IL1RAPL1: variants seen among roughly 807,000 people sequenced by gnomAD.
The protein encoded by IL1RAPL1 is interleukin-1 receptor accessory protein-like 1.
In IL1RAPL1, 3 loss-of-function variants were observed where a neutral mutation model predicts 48.4. The observed-to-expected ratio is 0.06, with a 90% CI of 0.03 to 0.16. IL1RAPL1 has a LOEUF of 0.16. IL1RAPL1 is among the 10% of genes least tolerant of loss of function. The pLI is 1.00. For synonymous variants in IL1RAPL1, 185 were observed against 187.7 expected (o/e 0.99, Z 0.12); for missense variants, 349 against 530.6 (o/e 0.66, Z 3.36).
At chrX:29,732,602 C>G (rs1359097084) in intron 6 of IL1RAPL1, among the ~76,000 whole-genome samples, 4 of 112,312 alleles carry the variant, frequency 3.6e-5, no homozygotes, top group Non-Finnish European at 7.5e-5. Context: ...CATCCTTGCT[C>G]TTACCTGGTA....
At chrX:29,463,206 A>T (rs1379346586) in intron 5 of IL1RAPL1, among the ~76,000 whole-genome samples, 1 of 102,486 alleles carries the variant, frequency 9.8e-6, no homozygotes, top group South Asian at 4.3e-4. Flanking sequence ...AAAAAAAAAA[A>T]ACCCACATTA....
At chrX:29,101,908 G>A in intron 2 of IL1RAPL1, among the ~76,000 whole-genome samples, 1 of 111,685 alleles carries the variant, frequency 9.0e-6, no homozygotes, top group Non-Finnish European at 1.9e-5. Context: ...TTGCACTCCA[G>A]CCTGGGCAAC....
chrX:29,079,095 G>C (rs1278542012), intron 2 of IL1RAPL1, among the ~76,000 whole-genome samples: 1 of 111,914 alleles, frequency 8.9e-6, no homozygotes, highest in Non-Finnish European at 1.9e-5. Flanking sequence ...GATTATTATT[G>C]ATAAATAATC....
chrX:29,076,778 A>ATCTATCTG lies in IL1RAPL1; in HGVS notation c.83-206157_83-206156insATCTGTCT, dbSNP rs1369370665. Reference sequence around the variant, plus strand: ...CTCATGAAATAAGACAGATCTATCTATCTGTCTGTCTGTCTGTCTGTCTGT... The same window carrying ATCTATCTG: ...CTCATGAAATAAGACAGATCTATCTATCTATCTGTCTGTCTGTCTGTCTGTCTGTCTGT... On this transcript the variant is annotated intron_variant, in intron 2 of 10. Transcript: ENST00000378993. 9.4e-5 allele frequency among the ~76,000 whole-genome samples: 9 copies of ATCTATCTG among 95,426 alleles called. No homozygotes were observed. In the South Asian group the frequency reaches 2.2e-3, roughly 24 times the overall value. 82.9% of individuals were successfully genotyped at this position (95,426 alleles called of 115,157 possible).
intron 5 of IL1RAPL1, among the ~76,000 whole-genome samples, chrX:29,454,688 CA>C (rs1934718694): frequency 9.0e-6 from 1 of 110,706 alleles, no homozygotes; most frequent in African/African-American, 3.3e-5. Context: ...AAAAATTGTT[CA>C]AAAATCAGCA....
intron 2 of IL1RAPL1, among the ~76,000 whole-genome samples, chrX:29,279,308 C>T (rs767328213): frequency 9.9e-5 from 11 of 110,827 alleles, no homozygotes; most frequent in Admixed American, 2.9e-4. Context: ...TGGTGGCGTG[C>T]GCCTGTAGTC....
At chrX:29,809,776 CT>C (rs200768948) in intron 6 of IL1RAPL1, among the ~76,000 whole-genome samples, 317 of 94,719 alleles carry the variant, frequency 3.3e-3, no homozygotes, top group Middle Eastern at 0.011. Flanking sequence ...AAGTCGTTAA[CT>C]TTTTTTTTTT....
chrX:29,753,725 TTAA>T (rs775781875), intron 6 of IL1RAPL1, among the ~76,000 whole-genome samples: 1 of 111,747 alleles, frequency 8.9e-6, no homozygotes, highest in Non-Finnish European at 1.9e-5. Flanking sequence ...GAACTGACCC[TTAA>T]TAATAATATT....
chrX:29,696,129 A>T (rs1314549547), intron 6 of IL1RAPL1, among the ~76,000 whole-genome samples: 2 of 110,842 alleles, frequency 1.8e-5, no homozygotes, highest in African/African-American at 6.6e-5. Context: ...GGGGTTATAT[A>T]CTATAGGATA....
rs1357980634 is a variant in IL1RAPL1 at position 29,737,993 on chromosome X, ATG to A, written c.778+69491_778+69492del. On this transcript the variant is annotated intron_variant, in intron 6 of 10. Coordinates refer to ENST00000378993, the MANE Select transcript of IL1RAPL1 (RefSeq NM_014271.4). ...ACATGATACAGAAGCATCCTTCAGAATGTTATCTTTAAGATCACAGAAGTTAA... is the reference window on the plus strand; with the variant it reads ...ACATGATACAGAAGCATCCTTCAGAATTATCTTTAAGATCACAGAAGTTAA... Among the ~76,000 whole-genome samples the A allele has an allele frequency of 7.1e-5, 8 of 112,516 alleles. No individual in the cohort carries two copies. In the East Asian group the frequency reaches 2.2e-3, roughly 31 times the overall value.
intron 5 of IL1RAPL1, among the ~76,000 whole-genome samples, chrX:29,423,504 A>G (rs1177518012): frequency 2.7e-5 from 3 of 112,003 alleles, no homozygotes; most frequent in African/African-American, 9.7e-5. Flanking sequence ...CGATACATCT[A>G]TTCTGGTGTC....
intron 6 of IL1RAPL1, among the ~76,000 whole-genome samples, chrX:29,802,787 G>GTATA (rs1278232304): frequency 1.4e-3 from 36 of 25,540 alleles, no homozygotes; most frequent in Middle Eastern, 0.025. Flanking sequence ...ATATATGTGT[G>GTATA]TGTGTATATA....
At chrX:29,469,502 G>T (rs1438213963) in intron 5 of IL1RAPL1, among the ~76,000 whole-genome samples, 2 of 111,819 alleles carry the variant, frequency 1.8e-5, no homozygotes, top group Non-Finnish European at 3.8e-5. Flanking sequence ...AGCTACCATA[G>T]AAATCAATTT....
chrX:28,766,463 G>A (rs1054951880), intron 1 of IL1RAPL1, among the ~76,000 whole-genome samples: 1 of 111,085 alleles, frequency 9.0e-6, no homozygotes, highest in African/African-American at 3.3e-5. Context: ...TTCTGATACA[G>A]ACATGCAATG....
intron 6 of IL1RAPL1, among the ~76,000 whole-genome samples, chrX:29,730,373 C>T (rs1213933220): frequency 8.9e-6 from 1 of 112,302 alleles, no homozygotes; most frequent in African/African-American, 3.2e-5. Context: ...GCTGTGTCTT[C>T]TCTTATTCTC....
chrX:28,957,685 G>A, intron 2 of IL1RAPL1, among the ~76,000 whole-genome samples: 1 of 110,041 alleles, frequency 9.1e-6, no homozygotes, highest in Middle Eastern at 4.7e-3. Context: ...ATATTGGCCA[G>A]GCTCGGTGGC....
chrX:29,956,463 A>C lies in IL1RAPL1; in HGVS notation c.*643A>C. The C allele has an allele frequency of 9.1e-6, 1 of 109,922 alleles. No individual in the cohort carries two copies. Among genetic ancestry groups the C allele is most frequent in the Non-Finnish European group, 1.9e-5 (1 of 53,386 alleles). The allele number at this position is 109,922 out of a possible 1,213,427, so 9.1% of individuals were successfully genotyped here. On this transcript the variant is annotated 3_prime_UTR_variant, in exon 11 of 11. Coordinates refer to ENST00000378993, the MANE Select transcript of IL1RAPL1 (RefSeq NM_014271.4). ...TTTCTAATGGCGGCATGATGTGTAA[A>C]CTCTGTGCAGGGGTGGGGGCGGGTC...
At chrX:29,125,703 C>G (rs1175404660) in intron 2 of IL1RAPL1, among the ~76,000 whole-genome samples, 1 of 111,049 alleles carries the variant, frequency 9.0e-6, no homozygotes, top group Non-Finnish European at 1.9e-5. Flanking sequence ...TATAGAACAT[C>G]AGGAGTTTAA....
chrX:29,438,702 C>T (rs1364539556), intron 5 of IL1RAPL1, among the ~76,000 whole-genome samples: 2 of 110,991 alleles, frequency 1.8e-5, no homozygotes, highest in African/African-American at 6.5e-5. Flanking sequence ...TTTTTTGTTA[C>T]TGATTTGTAG....
Sources: gnomAD v4.1 joint callset for allele counts (sites outside exome capture counted in the v4.1 genomes callset) on GRCh38, gnomAD v4.1.1 for gene constraint, MANE v1.5 for transcripts, NCBI Gene and HGNC (gene_info 2026-07-23, HGNC 2026-07-21) for gene names.